The following ZFP14 variants were observed in gnomAD, a reference collection of about 807,000 sequenced individuals.
ZFP14 encodes ZFP14 zinc finger protein, also known as zinc finger protein 14 homolog.
A neutral mutation model predicts 54.5 loss-of-function variants in ZFP14; 22 were observed. The observed-to-expected ratio is 0.40, with a 90% CI of 0.29 to 0.58. The LOEUF (loss-of-function observed/expected upper bound fraction) is 0.58. ZFP14 is among the 20% of genes least tolerant of loss of function. The probability of loss-of-function intolerance (pLI) is 0.39; values close to 1 mark genes in which losing one functional copy is unlikely to be tolerated. For synonymous variants in ZFP14, 159 were observed against 204.0 expected (o/e 0.78, Z 1.88); for missense variants, 470 against 637.8 (o/e 0.74, Z 2.83).
intron 1 of ZFP14, among the ~76,000 whole-genome samples, chr19:36,376,046 T>C (rs1372031338): frequency 6.6e-6 from 1 of 152,084 alleles, no homozygotes; most frequent in Non-Finnish European, 1.5e-5. Flanking sequence ...CTGTTGTAAT[T>C]ACCAATATAT....
At chr19:36,375,575 T>C (rs2031947890) in intron 1 of ZFP14, among the ~76,000 whole-genome samples, 1 of 149,342 alleles carries the variant, frequency 6.7e-6, no homozygotes, top group Non-Finnish European at 1.5e-5. Flanking sequence ...TTCTTTTTTT[T>C]TTTTTTTTGA....
chr19:36,369,155 A>C (rs1468477601), intron 1 of ZFP14, among the ~76,000 whole-genome samples: 1 of 151,810 alleles, frequency 6.6e-6, no homozygotes, highest in African/African-American at 2.4e-5. Context: ...CTTTCCTTTT[A>C]GTATCCAAGC....
At chr19:36,377,859 A>C (rs75626379) in intron 1 of ZFP14, among the ~76,000 whole-genome samples, 2,992 of 152,224 alleles carry the variant, frequency 0.02, 75 homozygotes, top group African/African-American at 0.056. Flanking sequence ...AAATACAAAA[A>C]AAAACAAAAC....
intron 1 of ZFP14, among the ~76,000 whole-genome samples, chr19:36,372,773 C>T (rs1396361258): frequency 2.6e-5 from 4 of 152,148 alleles, no homozygotes; most frequent in African/African-American, 7.2e-5. Context: ...GCATTATTCA[C>T]GATGGCCAAC....
rs562205792 is a variant in ZFP14, at chr19:36,361,574, G to A, written c.136+538C>T. Among the ~76,000 whole-genome samples, 6 of 149,572 alleles carry A rather than the reference G, an allele frequency of 4.0e-5. No homozygotes were observed. The South Asian group carries it at 8.6e-4, about 21-fold the overall frequency. ...TTTTGAGATGGAGTCTCACTCTGTC[G>A]CCCAGGCTGGAATGCAGTGGCGTGA... On this transcript the variant is annotated intron_variant, in intron 3 of 4. Transcript: ENST00000270001.
chr19:36,376,709 C>T (rs934001149), intron 1 of ZFP14, among the ~76,000 whole-genome samples: 7 of 152,248 alleles, frequency 4.6e-5, no homozygotes, highest in East Asian at 1.9e-4. Flanking sequence ...TACAACCTAA[C>T]GGTAACAAAT....
intron 1 of ZFP14, among the ~76,000 whole-genome samples, chr19:36,369,601 G>C (rs2031849834): frequency 6.6e-6 from 1 of 151,872 alleles, no homozygotes; most frequent in Non-Finnish European, 1.5e-5. Context: ...AGTAGAGACA[G>C]GGTTTCACCA....
At chr19:36,363,078 C>T (rs974377969) in intron 2 of ZFP14, among the ~76,000 whole-genome samples, 2 of 151,754 alleles carry the variant, frequency 1.3e-5, no homozygotes, top group Non-Finnish European at 2.9e-5. Flanking sequence ...TTGTCACTAT[C>T]TATCATCTCT....
chr19:36,351,684 G>A (rs2031527925), intron 4 of ZFP14, among the ~76,000 whole-genome samples: 1 of 140,220 alleles, frequency 7.1e-6, no homozygotes, highest in Non-Finnish European at 1.6e-5. Context: ...AACACAGTGA[G>A]ACCCCCATCT....
At chr19:36,348,168 A>G (rs773919072) in intron 4 of ZFP14, among the ~76,000 whole-genome samples, 27 of 152,250 alleles carry the variant, frequency 1.8e-4, no homozygotes, top group Non-Finnish European at 2.9e-4. Context: ...GAACAGAAAA[A>G]TAAGTAATTG....
At chr19:36,370,334 T>C (rs990308736) in intron 1 of ZFP14, among the ~76,000 whole-genome samples, 14 of 152,150 alleles carry the variant, frequency 9.2e-5, no homozygotes, top group Admixed American at 7.9e-4. Context: ...AGGCCCGCCA[T>C]AGTAAAACCC....
At chr19:36,366,324 G>C (rs2031794418) in intron 2 of ZFP14, among the ~76,000 whole-genome samples, 1 of 151,604 alleles carries the variant, frequency 6.6e-6, no homozygotes, top group Admixed American at 6.6e-5. Context: ...TTCTTGTTTT[G>C]TTTTGTCTTT....
chr19:36,351,031 T>C (rs1446147771), intron 4 of ZFP14, among the ~76,000 whole-genome samples: 1 of 143,868 alleles, frequency 7.0e-6, no homozygotes, highest in African/African-American at 2.5e-5. Context: ...ATAAAATAAA[T>C]ACTAAGTAAG....
At chr19:36,376,991 T>C (rs562806124) in intron 1 of ZFP14, among the ~76,000 whole-genome samples, 1 of 152,300 alleles carries the variant, frequency 6.6e-6, no homozygotes, top group African/African-American at 2.4e-5. Context: ...ATACGTGGCC[T>C]GAAACACTCA....
At chr19:36,356,739 C>T (rs1429910112) in intron 4 of ZFP14, among the ~76,000 whole-genome samples, 1 of 130,112 alleles carries the variant, frequency 7.7e-6, no homozygotes, top group Admixed American at 8.1e-5. Context: ...TAGTGCATAA[C>T]CATTTGTGAT....
chr19:36,376,301 C>G (rs1192933602), intron 1 of ZFP14, among the ~76,000 whole-genome samples: 1 of 152,194 alleles, frequency 6.6e-6, no homozygotes, highest in African/African-American at 2.4e-5. Flanking sequence ...AATCCCAGCA[C>G]TTTGGGAGGC....
intron 4 of ZFP14, among the ~76,000 whole-genome samples, chr19:36,345,835 C>T (rs1235231943): frequency 6.6e-6 from 1 of 151,966 alleles, no homozygotes; most frequent in Non-Finnish European, 1.5e-5. Flanking sequence ...TTTATAGATA[C>T]ATTTAAATTC....
intron 1 of ZFP14, among the ~76,000 whole-genome samples, chr19:36,369,916 C>T (rs977602535): frequency 6.6e-6 from 1 of 152,134 alleles, no homozygotes; most frequent in African/African-American, 2.4e-5. Flanking sequence ...CTCACAGCAG[C>T]CTCGACCTCC....
chr19:36,362,302 GGGAGATTGA>G (rs2031723767), intron 2 of ZFP14, 64 bp from the exon 3 acceptor site: 1 of 1,519,664 alleles, frequency 6.6e-7, no homozygotes, highest in African/African-American at 1.4e-5. Context: ...ATGGAAAGAG[GGGAGATTGA>G]GGATTGCATT....
Sources: allele counts gnomAD v4.1 joint callset (sites outside exome capture counted in the v4.1 genomes callset), GRCh38; gene constraint gnomAD v4.1.1; transcripts MANE v1.5; gene names NCBI Gene and HGNC (gene_info 2026-07-23, HGNC 2026-07-21).